Variants in KCMF1 observed in about 807,000 individuals in gnomAD.
KCMF1 encodes the protein E3 ubiquitin-protein ligase KCMF1.
KCMF1 carries 3 observed loss-of-function variants against 41.1 expected under a neutral mutation model. The ratio of observed to expected loss-of-function variants is 0.07; its 90% CI spans 0.03 to 0.19. KCMF1 has a LOEUF of 0.19. KCMF1 is among the 10% of genes least tolerant of loss of function. The probability of loss-of-function intolerance (pLI) is 1.00; values close to 1 mark genes in which losing one functional copy is unlikely to be tolerated. For synonymous variants in KCMF1, 142 were observed against 164.5 expected (o/e 0.86, Z 1.04); for missense variants, 286 against 488.9 (o/e 0.58, Z 3.91).
chr2:84,988,841 G>T (rs1009158024), intron 1 of KCMF1, among the ~76,000 whole-genome samples: 5 of 152,154 alleles, frequency 3.3e-5, no homozygotes, highest in African/African-American at 1.2e-4. Flanking sequence ...GGCTTTGTAG[G>T]CCACATGGTC....
rs1261782980 is a variant in KCMF1, at chr2:85,058,527, A to G, written c.*5118A>G. On this transcript the variant is annotated 3_prime_UTR_variant, in exon 7 of 7. Transcript: ENST00000409785. Reference sequence around the variant, plus strand: ...TAGCATCTGACTGTGTCCTTGGCAGACAGTGCATGTAGCCTGTAGAATGTT... The same window carrying G: ...TAGCATCTGACTGTGTCCTTGGCAGGCAGTGCATGTAGCCTGTAGAATGTT... 6.6e-6 allele frequency: 1 copy of G among 152,276 alleles called. No homozygotes were observed. The highest frequency in any genetic ancestry group is 1.5e-5 in the Non-Finnish European group (1 of 68,074). 9.4% of individuals were successfully genotyped at this position (152,276 alleles called of 1,614,324 possible). A position where few individuals can be genotyped will look rare whatever the true frequency, so the allele number is the denominator to read the frequency against.
Position 85,056,323 on chromosome 2 carries a change from A to G in KCMF1, c.*2914A>G, listed in dbSNP as rs995315821. The G allele has an allele frequency of 6.6e-6, 1 of 152,088 alleles. No individual in the cohort carries two copies. The highest frequency in any genetic ancestry group is 1.5e-5 in the Non-Finnish European group (1 of 68,014). 9.4% of individuals were successfully genotyped at this position (152,088 alleles called of 1,614,324 possible). A position where few individuals can be genotyped will look rare whatever the true frequency, so the allele number is the denominator to read the frequency against. On this transcript the variant is annotated 3_prime_UTR_variant, in exon 7 of 7. Transcript: ENST00000409785. ...TCCCCACCCCCCATTTTCCCTCTCA[A>G]TATTAGAAATTTCAATAATATGCTG...
At chr2:85,018,041 G>A (rs1454641202) in intron 1 of KCMF1, among the ~76,000 whole-genome samples, 3 of 152,088 alleles carry the variant, frequency 2.0e-5, no homozygotes, top group African/African-American at 7.2e-5. Context: ...CAGATAGGTG[G>A]TTGTCAGATA....
intron 1 of KCMF1, among the ~76,000 whole-genome samples, chr2:84,998,769 A>AT (rs113414718): frequency 0.042 from 5,889 of 138,644 alleles, 157 homozygotes; most frequent in Non-Finnish European, 0.064. Context: ...CGCCCAATTA[A>AT]TTTTTTTTTT....
chr2:85,020,847 G>A (rs776893349), intron 1 of KCMF1, among the ~76,000 whole-genome samples: 1 of 152,062 alleles, frequency 6.6e-6, no homozygotes, highest in Non-Finnish European at 1.5e-5. Context: ...TTTCTCCATA[G>A]CACTTACTTC....
At chr2:84,983,331 ATTT>A (rs541149453) in intron 1 of KCMF1, among the ~76,000 whole-genome samples, 2 of 148,562 alleles carry the variant, frequency 1.3e-5, no homozygotes, top group African/African-American at 4.9e-5. Flanking sequence ...AAAGTCTTAA[ATTT>A]TTTTTTTTAA....
At chr2:85,007,820 G>T (rs980930697) in intron 1 of KCMF1, among the ~76,000 whole-genome samples, 3 of 152,206 alleles carry the variant, frequency 2.0e-5, no homozygotes, top group African/African-American at 4.8e-5. Context: ...AGTCTGGAGT[G>T]CAATGGCGTG....
chr2:84,971,587 C>G (rs1024225891), intron 1 of KCMF1, 120 bp downstream of exon 1: 3 of 407,894 alleles, frequency 7.4e-6, no homozygotes, highest in Non-Finnish European at 1.1e-5. Context: ...GAGCCGGGCC[C>G]GAGGCGCTGG....
At chr2:85,008,252 A>T (rs1478143846) in intron 1 of KCMF1, among the ~76,000 whole-genome samples, 2 of 95,410 alleles carry the variant, frequency 2.1e-5, no homozygotes, top group Non-Finnish European at 4.1e-5. Flanking sequence ...TATATGATAT[A>T]TATTATATAT....
rs890752426 is a variant in KCMF1 at position 85,056,509 on chromosome 2, T to C, written c.*3100T>C. ...ACTGCAAATATTAACGCTTTATATATTTACTCCATGGATGTTGGGGTAAGC... is the reference window on the plus strand; with the variant it reads ...ACTGCAAATATTAACGCTTTATATACTTACTCCATGGATGTTGGGGTAAGC... On this transcript the variant is annotated 3_prime_UTR_variant, in exon 7 of 7. Transcript: ENST00000409785. 27 of 152,190 alleles carry C rather than the reference T, an allele frequency of 1.8e-4. 1 individual carries two copies. The highest frequency in any genetic ancestry group is 6.3e-4 in the African/African-American group (26 of 41,438). 9.4% of individuals were successfully genotyped at this position (152,190 alleles called of 1,614,324 possible). A position where few individuals can be genotyped will look rare whatever the true frequency, so the allele number is the denominator to read the frequency against.
intron 1 of KCMF1, among the ~76,000 whole-genome samples, chr2:85,023,555 T>A (rs183664102): frequency 5.3e-4 from 81 of 151,958 alleles, no homozygotes; most frequent in South Asian, 8.3e-4. Context: ...TCTACTGACC[T>A]TGTGATCCGC....
Position 85,027,880 on chromosome 2 carries a change from T to C in KCMF1, c.17-9T>C. The C allele has an allele frequency of 6.4e-7, 1 of 1,574,278 alleles. No homozygotes were observed. Among genetic ancestry groups the C allele is most frequent in the East Asian group, 2.2e-5 (1 of 44,578 alleles). On this transcript the variant is annotated splice_polypyrimidine_tract_variant and intron_variant, in intron 1 of 6. Transcript: ENST00000409785. ...AACTGGTAACTAAAGATATTTCTTT[T>C]TTTTATAGGTGTCAGCTGTGATGCA... is the stretch of plus-strand genomic sequence containing the variant.
At chr2:84,996,751 T>C (rs902384377) in intron 1 of KCMF1, among the ~76,000 whole-genome samples, 2 of 152,152 alleles carry the variant, frequency 1.3e-5, no homozygotes, top group African/African-American at 4.8e-5. Flanking sequence ...CCTAAAAGTC[T>C]CTTTAAAAAT....
chr2:84,990,481 TGGAAGG>T (rs1674015289), intron 1 of KCMF1, among the ~76,000 whole-genome samples: 1 of 151,994 alleles, frequency 6.6e-6, no homozygotes, highest in African/African-American at 2.4e-5. Flanking sequence ...AACATAATTT[TGGAAGG>T]TGATAAATAT....
At chr2:85,047,527 C>T (rs1165166052) in intron 5 of KCMF1, among the ~76,000 whole-genome samples, 1 of 150,718 alleles carries the variant, frequency 6.6e-6, no homozygotes, top group Non-Finnish European at 1.5e-5. Flanking sequence ...ATGTCCTGAC[C>T]TTGATTTGAG....
At chr2:85,004,736 C>T (rs1427845602) in intron 1 of KCMF1, among the ~76,000 whole-genome samples, 1 of 152,092 alleles carries the variant, frequency 6.6e-6, no homozygotes, top group East Asian at 1.9e-4. Context: ...ACCGGTCATG[C>T]CTCAGTCTTC....
At chr2:85,040,071 C>T (rs1451380777) in intron 3 of KCMF1, among the ~76,000 whole-genome samples, 1 of 152,170 alleles carries the variant, frequency 6.6e-6, no homozygotes, top group African/African-American at 2.4e-5. Context: ...CTGCCTTGGC[C>T]TCCCAAAGTG....
At chr2:85,007,878 C>T (rs12620326) in intron 1 of KCMF1, among the ~76,000 whole-genome samples, 12,108 of 152,186 alleles carry the variant, frequency 0.08, 771 homozygotes, top group East Asian at 0.34. Context: ...TCTCCTGCCT[C>T]AGCCTCCCAA....
intron 1 of KCMF1, among the ~76,000 whole-genome samples, chr2:85,026,135 C>G (rs1477654711): frequency 6.6e-6 from 1 of 151,916 alleles, no homozygotes; most frequent in South Asian, 2.1e-4. Flanking sequence ...AGATTACAGG[C>G]GCCCACCACC....
Sources: allele counts gnomAD v4.1 joint callset (sites outside exome capture counted in the v4.1 genomes callset), GRCh38; gene constraint gnomAD v4.1.1; transcripts MANE v1.5; gene names NCBI Gene and HGNC (gene_info 2026-07-23, HGNC 2026-07-21).